NME9: variants seen among roughly 807,000 people sequenced by gnomAD.
NME9 encodes the protein thioredoxin domain-containing protein 6.
A neutral mutation model predicts 44.4 loss-of-function variants in NME9; 48 were observed. That is an observed-to-expected ratio of 1.08 (90% CI 0.86 to 1.37). NME9 has a LOEUF of 1.37. Among genes scored for constraint, NME9 ranks in the 40% most tolerant of loss-of-function variants. The pLI, the probability that NME9 is intolerant of heterozygous loss-of-function variation, is 0.00. For synonymous variants in NME9, 139 were observed against 147.1 expected, an observed-to-expected ratio of 0.94 and a Z score of 0.40; for missense variants, 325 against 405.2, an observed-to-expected ratio of 0.80 and a Z score of 1.70.
At chr3:138,274,158 C>A (rs1020496493) in intron 8 of NME9, among the ~76,000 whole-genome samples, 2 of 151,740 alleles carry the variant, frequency 1.3e-5, no homozygotes, top group African/African-American at 4.8e-5. Context: ...GTTTGAGGAC[C>A]CCCAATGATT....
At chr3:138,295,048 G>A (rs2051344781) in intron 8 of NME9, among the ~76,000 whole-genome samples, 1 of 151,900 alleles carries the variant, frequency 6.6e-6, no homozygotes, top group African/African-American at 2.4e-5. Context: ...ACAGGTGCCC[G>A]CTGCCACACT....
intron 8 of NME9, among the ~76,000 whole-genome samples, chr3:138,289,689 A>C (rs1172671286): frequency 6.6e-6 from 1 of 152,134 alleles, no homozygotes; most frequent in Non-Finnish European, 1.5e-5. Context: ...CTCCAGGCAT[A>C]AGTGGTTCTT....
intron 8 of NME9, among the ~76,000 whole-genome samples, chr3:138,264,894 A>ATT (rs771921655): frequency 1.5e-4 from 21 of 140,144 alleles, no homozygotes; most frequent in African/African-American, 2.3e-4. Context: ...CAATCCCTGG[A>ATT]TTTTTTTTTT....
rs148108053 is a variant in NME9, at chr3:138,314,369, A to G, written c.423T>C (p.Val141=). ...CTTCACCATTATTCTTTCCATGGGA[A>G]ACACATTCATCTTCATCAGAAAGAG... ...DEALSDEDEC[V]SHGKNNGEDE... Residue 141 remains valine (V), a synonymous_variant, in exon 6 of 11, where the codon GTT becomes GTC. Transcript: ENST00000333911. The G allele has an allele frequency of 3.2e-4, 511 of 1,609,914 alleles. No homozygotes were observed. Among genetic ancestry groups the G allele is most frequent in the Non-Finnish European group, 4.0e-4 (476 of 1,176,950 alleles).
intron 8 of NME9, chr3:138,295,758 T>C: frequency 1.5e-6 from 2 of 1,374,456 alleles, no homozygotes; most frequent in Middle Eastern, 1.8e-4. Context: ...CTCTGGAGAT[T>C]TACTTTTTTA....
At chr3:138,263,608 GT>G in intron 8 of NME9, 1 of 809,930 alleles carries the variant, frequency 1.2e-6, no homozygotes, top group Non-Finnish European at 2.1e-6. Context: ...CAAGATGATT[GT>G]TTGAGAGGTA....
intron 9 of NME9, among the ~76,000 whole-genome samples, chr3:138,304,646 G>T (rs528999524): frequency 9.8e-5 from 15 of 152,338 alleles, no homozygotes; most frequent in Non-Finnish European, 1.8e-4. Context: ...GCCTTCAGAA[G>T]AGGACAGAGC....
rs60371178 is a variant in NME9, at chr3:138,326,979, TAAA to T, written c.34-2052_34-2050del. The T allele has an allele frequency of 8.2e-3, 598 of 73,358 alleles. 3 individuals carry two copies. Among genetic ancestry groups the T allele is most frequent in the African/African-American group, 0.019 (557 of 28,804 alleles). 4.5% of individuals were successfully genotyped at this position (73,358 alleles called of 1,614,324 possible). ...CAACATGGTGAAACCCTGCCTCTACTAAAAAAAAAAAAAAAAAAAAAAAAAAGT... is the reference window on the plus strand; with the variant it reads ...CAACATGGTGAAACCCTGCCTCTACTAAAAAAAAAAAAAAAAAAAAAAAGT... On this transcript the variant is annotated intron_variant, in intron 1 of 10. Transcript: ENST00000333911.
chr3:138,301,489 G>A lies in NME9; in HGVS notation c.*151C>T. ...CAAAGTGCTGGGATTACAGGTGTGAGTCACTGCGCCCAGCCATATTATTTT... is the reference window on the plus strand; with the variant it reads ...CAAAGTGCTGGGATTACAGGTGTGAATCACTGCGCCCAGCCATATTATTTT... On this transcript the variant is annotated 3_prime_UTR_variant, in exon 11 of 11. Transcript: ENST00000333911. The A allele has an allele frequency of 7.1e-7, 1 of 1,418,072 alleles. No homozygotes were observed. Among genetic ancestry groups the A allele is most frequent in the Non-Finnish European group, 9.2e-7 (1 of 1,082,944 alleles). The allele number at this position is 1,418,072 out of a possible 1,614,324, so 87.8% of individuals were successfully genotyped here. A position where few individuals can be genotyped will look rare whatever the true frequency, so the allele number is the denominator to read the frequency against.
intron 8 of NME9, among the ~76,000 whole-genome samples, chr3:138,294,929 A>T (rs1577081709): frequency 2.9e-5 from 4 of 140,266 alleles, no homozygotes; most frequent in East Asian, 2.1e-4. Context: ...ATGGAGTTTC[A>T]CTCTTGTCGC....
At chr3:138,278,962 A>G (rs1291117540) in intron 8 of NME9, among the ~76,000 whole-genome samples, 1 of 152,234 alleles carries the variant, frequency 6.6e-6, no homozygotes, top group Non-Finnish European at 1.5e-5. Context: ...TCAACAAATG[A>G]TCACATCTGT....
At chr3:138,315,457 TG>T in intron 5 of NME9, 69 bp downstream of exon 5, 1 of 1,025,618 alleles carries the variant, frequency 9.8e-7, no homozygotes, top group South Asian at 1.4e-5. Context: ...GTGAAGGAGA[TG>T]GGGACTGCTG....
exon 9 of NME9, chr3:138,262,331 A>C (rs1051926326): frequency 3.4e-6 from 2 of 582,406 alleles, no homozygotes; most frequent in Non-Finnish European, 3.0e-6. Context: ...GAGTAGATCA[A>C]TATGTAAATG....
At position 138,301,318 on chromosome 3, in the gene NME9, C is replaced by T. The variant is rs1450795557; in HGVS notation, c.*322G>A. The T allele has an allele frequency of 2.8e-6, 1 of 355,916 alleles. No individual in the cohort carries two copies. 22.0% of individuals were successfully genotyped at this position (355,916 alleles called of 1,614,324 possible). On this transcript the variant is annotated 3_prime_UTR_variant, in exon 11 of 11. Coordinates refer to ENST00000333911, the MANE Select transcript of NME9 (RefSeq NM_001349018.2). ...CTCCCGGGTTCAAGCGATTCTCATGCCTAAGCCACCCGAGTAGCTGGATGA... is the reference window on the plus strand; with the variant it reads ...CTCCCGGGTTCAAGCGATTCTCATGTCTAAGCCACCCGAGTAGCTGGATGA...
chr3:138,270,461 A>G (rs990414256), intron 8 of NME9, among the ~76,000 whole-genome samples: 1 of 152,210 alleles, frequency 6.6e-6, no homozygotes, highest in Non-Finnish European at 1.5e-5. Context: ...AAGCACTTTC[A>G]TATCTCCTTT....
chr3:138,326,858 T>A (rs2053819363), intron 1 of NME9, among the ~76,000 whole-genome samples: 1 of 151,772 alleles, frequency 6.6e-6, no homozygotes, highest in Non-Finnish European at 1.5e-5. Flanking sequence ...AGTTCCTTTT[T>A]TGGCCGAACG....
At chr3:138,287,797 A>T in intron 8 of NME9, 1 of 393,976 alleles carries the variant, frequency 2.5e-6, no homozygotes, top group South Asian at 1.9e-5. Flanking sequence ...TGAAAAAACC[A>T]TTGAGCATAT....
At position 138,305,995 on chromosome 3, in the gene NME9, T is replaced by C. The variant is rs1243889420; in HGVS notation, c.636+9A>G. 6.4e-7 allele frequency: 1 copy of C among 1,559,334 alleles called. No homozygotes were observed. The highest frequency in any genetic ancestry group is 8.8e-7 in the Non-Finnish European group (1 of 1,130,242). ...AGTGTGTTGAACTTGTGGAAGTAGA[T>C]GAGCTGACCTCTCCAGCTTTGTGTT... On this transcript the variant is annotated intron_variant, in intron 8 of 10. Coordinates refer to ENST00000333911, the MANE Select transcript of NME9 (RefSeq NM_001349018.2).
chr3:138,306,554 A>G (rs9846480), intron 6 of NME9, 74 bp from the exon 7 acceptor site: 500,184 of 835,438 alleles, frequency 0.6, 156,709 homozygotes, highest in East Asian at 0.83. Flanking sequence ...AAACAATGCA[A>G]CCTCTACACA....
Sources: allele counts gnomAD v4.1 joint callset (sites outside exome capture counted in the v4.1 genomes callset), GRCh38; gene constraint gnomAD v4.1.1; transcripts MANE v1.5; gene names NCBI Gene and HGNC (gene_info 2026-07-23, HGNC 2026-07-21).